MACROD2: variants seen among roughly 807,000 people sequenced by gnomAD.
The protein encoded by MACROD2 is ADP-ribose glycohydrolase MACROD2.
A neutral mutation model predicts 70.4 loss-of-function variants in MACROD2; 36 were observed. The observed-to-expected ratio is 0.51, with a 90% CI of 0.39 to 0.68. MACROD2 has a LOEUF of 0.68. Ranked by LOEUF, MACROD2 falls within the 30% of genes least tolerant of loss-of-function variation. The pLI is 0.00. For missense variants in MACROD2, 496 were observed against 538.4 expected (o/e 0.92, Z 0.78); for synonymous variants, 172 against 178.8 (o/e 0.96, Z 0.30).
intron 3 of MACROD2, among the ~76,000 whole-genome samples, chr20:14,298,739 A>G (rs1390121359): frequency 1.3e-5 from 2 of 152,078 alleles, no homozygotes; most frequent in African/African-American, 2.4e-5. Context: ...CAACATGAAC[A>G]GGAATTTGGA....
At chr20:15,280,104 G>GATT (rs2077429677) in intron 6 of MACROD2, among the ~76,000 whole-genome samples, 1 of 152,158 alleles carries the variant, frequency 6.6e-6, no homozygotes, top group East Asian at 1.9e-4. Flanking sequence ...ATGTGTCAGT[G>GATT]TTAACTACAT....
chr20:15,073,814 GCTT>G (rs1355719662), intron 5 of MACROD2, among the ~76,000 whole-genome samples: 2 of 152,098 alleles, frequency 1.3e-5, no homozygotes, highest in African/African-American at 4.8e-5. Context: ...TAACTAAGAA[GCTT>G]CTTTTCTTCC....
intron 4 of MACROD2, among the ~76,000 whole-genome samples, chr20:14,576,542 T>G (rs1980613130): frequency 6.6e-6 from 1 of 152,204 alleles, no homozygotes; most frequent in Non-Finnish European, 1.5e-5. Flanking sequence ...ACCAGTTGAT[T>G]AATTTAGACA....
intron 8 of MACROD2, among the ~76,000 whole-genome samples, chr20:15,789,313 A>G (rs2051982147): frequency 6.6e-6 from 1 of 152,194 alleles, no homozygotes; most frequent in Admixed American, 6.5e-5. Context: ...GAGTCAGTGT[A>G]TGAGACCCAC....
At chr20:14,189,566 C>CA (rs1396671789) in intron 3 of MACROD2, among the ~76,000 whole-genome samples, 1 of 152,004 alleles carries the variant, frequency 6.6e-6, no homozygotes, top group Non-Finnish European at 1.5e-5. Flanking sequence ...TGTACATGTA[C>CA]AAAATCTGTA....
chr20:15,176,072 G>T (rs1429730563), intron 5 of MACROD2, among the ~76,000 whole-genome samples: 3 of 152,226 alleles, frequency 2.0e-5, no homozygotes, highest in Admixed American at 2.0e-4. Flanking sequence ...GGGTGCTGTT[G>T]CAATGTGGCC....
At chr20:14,719,629 AT>A (rs1405952012) in intron 5 of MACROD2, among the ~76,000 whole-genome samples, 2 of 152,212 alleles carry the variant, frequency 1.3e-5, no homozygotes, top group Non-Finnish European at 2.9e-5. Flanking sequence ...CATGCATTTA[AT>A]TAAACCATCC....
At chr20:16,028,385 A>ACTT (rs1555810410) in intron 15 of MACROD2, among the ~76,000 whole-genome samples, 1 of 146,546 alleles carries the variant, frequency 6.8e-6, no homozygotes. Context: ...CCTGGTGGAC[A>ACTT]TTTTTTTTTT....
At chr20:14,443,453 C>T (rs772925168) in intron 3 of MACROD2, among the ~76,000 whole-genome samples, 10 of 151,734 alleles carry the variant, frequency 6.6e-5, no homozygotes, top group East Asian at 2.0e-4. Context: ...CATGCCACTA[C>T]GCCTGTCTGA....
chr20:14,947,139 TCCTGTTAGGA>T (rs1233958325), intron 5 of MACROD2, among the ~76,000 whole-genome samples: 1 of 152,208 alleles, frequency 6.6e-6, no homozygotes, highest in Non-Finnish European at 1.5e-5. Context: ...TGGATGAGTT[TCCTGTTAGGA>T]CAGCTCACAG....
chr20:14,878,066 T>G (rs143022465), intron 5 of MACROD2, among the ~76,000 whole-genome samples: 73 of 152,242 alleles, frequency 4.8e-4, no homozygotes, highest in African/African-American at 1.6e-3. Flanking sequence ...CACAACTTTA[T>G]AAACATACCT....
intron 4 of MACROD2, among the ~76,000 whole-genome samples, chr20:14,648,434 T>C (rs529888392): frequency 6.6e-6 from 1 of 152,282 alleles, no homozygotes; most frequent in African/African-American, 2.4e-5. Flanking sequence ...ATCTCTGTAT[T>C]AATTTGGAAA....
At chr20:14,970,617 T>G (rs540012351) in intron 5 of MACROD2, among the ~76,000 whole-genome samples, 1 of 152,064 alleles carries the variant, frequency 6.6e-6, no homozygotes, top group Non-Finnish European at 1.5e-5. Flanking sequence ...TGCAATTTAT[T>G]TATTTGATTA....
chr20:15,631,955 T>A (rs2049297515), intron 8 of MACROD2, among the ~76,000 whole-genome samples: 1 of 152,066 alleles, frequency 6.6e-6, no homozygotes. Flanking sequence ...CTGGCCAACA[T>A]AGTGAAACCC....
chr20:14,070,643 A>C (rs1345859763), intron 2 of MACROD2, among the ~76,000 whole-genome samples: 1 of 152,120 alleles, frequency 6.6e-6, no homozygotes, highest in East Asian at 1.9e-4. Context: ...CTGTATCCAC[A>C]TGGCTGGATT....
intron 5 of MACROD2, among the ~76,000 whole-genome samples, chr20:14,907,783 C>G (rs546503056): frequency 2.6e-5 from 4 of 152,014 alleles, no homozygotes; most frequent in Admixed American, 6.5e-5. Context: ...TCATGTCCAA[C>G]GAAAGAGTTT....
intron 5 of MACROD2, among the ~76,000 whole-genome samples, chr20:14,901,935 A>G (rs1224169828): frequency 6.6e-6 from 1 of 152,128 alleles, no homozygotes; most frequent in African/African-American, 2.4e-5. Context: ...TAGGAAATGT[A>G]ATCTTGAAGT....
chr20:15,685,469 G>A (rs1215828191), intron 8 of MACROD2, among the ~76,000 whole-genome samples: 2 of 152,216 alleles, frequency 1.3e-5, no homozygotes, highest in South Asian at 4.1e-4. Flanking sequence ...AGCTTTAGAA[G>A]GTTCAGAGGA....
At chr20:14,392,071 A>T in intron 3 of MACROD2, among the ~76,000 whole-genome samples, 1 of 151,486 alleles carries the variant, frequency 6.6e-6, no homozygotes, top group East Asian at 1.9e-4. Context: ...CTTTTCTTTT[A>T]ATTTCATTTG....
Sources: allele counts gnomAD v4.1 joint callset (sites outside exome capture counted in the v4.1 genomes callset), GRCh38; gene constraint gnomAD v4.1.1; transcripts MANE v1.5; gene names NCBI Gene and HGNC (gene_info 2026-07-23, HGNC 2026-07-21).